Variants in ANGPT1 observed in about 807,000 individuals in gnomAD.
The protein encoded by ANGPT1 is angiopoietin-1.
Under a neutral mutation model 62.2 loss-of-function variants are expected in ANGPT1, and 17 were observed. The observed-to-expected ratio is 0.27, with a 90% CI of 0.19 to 0.41. ANGPT1 has a LOEUF of 0.41. Among genes scored for constraint, ANGPT1 ranks in the 10% least tolerant of loss-of-function variants. The pLI, the probability that ANGPT1 is intolerant of heterozygous loss-of-function variation, is 1.00. For missense variants in ANGPT1, 478 were observed against 594.9 expected, an observed-to-expected ratio of 0.80 and a Z score of 2.04; for synonymous variants, 199 against 198.9, an observed-to-expected ratio of 1.00 and a Z score of 0.00.
intron 1 of ANGPT1, among the ~76,000 whole-genome samples, chr8:107,493,468 A>G (rs1813017216): frequency 6.6e-6 from 1 of 150,588 alleles, no homozygotes. Context: ...ATTACTGGTT[A>G]AATATAATTT....
intron 4 of ANGPT1, among the ~76,000 whole-genome samples, chr8:107,313,429 GTTTTTTTTTTTTT>G (rs71308720): frequency 3.1e-5 from 2 of 64,182 alleles, no homozygotes; most frequent in South Asian, 1.5e-3. Flanking sequence ...GTTACTAGTT[GTTTTTTTTTTTTT>G]TTTTTTTTTT....
intron 4 of ANGPT1, among the ~76,000 whole-genome samples, chr8:107,306,957 T>C (rs1814733470): frequency 6.6e-6 from 1 of 151,970 alleles, no homozygotes; most frequent in Admixed American, 6.6e-5. Flanking sequence ...CGAACAGATG[T>C]CAGGGGGAAC....
chr8:107,446,063 A>T (rs182108518), intron 1 of ANGPT1, among the ~76,000 whole-genome samples: 204 of 152,204 alleles, frequency 1.3e-3, no homozygotes, highest in African/African-American at 4.5e-3. Flanking sequence ...GACAACAGGC[A>T]CGTGCCACCA....
chr8:107,399,222 A>G (rs1816995377), intron 1 of ANGPT1, among the ~76,000 whole-genome samples: 1 of 152,032 alleles, frequency 6.6e-6, no homozygotes, highest in Non-Finnish European at 1.5e-5. Flanking sequence ...ATGTTTTCTG[A>G]CCTTCTTTCT....
At chr8:107,256,499 A>C (rs2129997432) in intron 8 of ANGPT1, among the ~76,000 whole-genome samples, 1 of 152,302 alleles carries the variant, frequency 6.6e-6, no homozygotes, top group South Asian at 2.1e-4. Context: ...CATTCCTTGT[A>C]TTTACAGGTG....
chr8:107,333,480 T>C (rs1033757753), intron 3 of ANGPT1, among the ~76,000 whole-genome samples: 1 of 152,142 alleles, frequency 6.6e-6, no homozygotes, highest in African/African-American at 2.4e-5. Flanking sequence ...TGTAGTGAAA[T>C]ACCTATATTA....
chr8:107,284,945 A>T, intron 6 of ANGPT1, 97 bp from the exon 7 acceptor site: 1 of 1,024,668 alleles, frequency 9.8e-7, no homozygotes, highest in Non-Finnish European at 1.3e-6. Flanking sequence ...AAAAATTATT[A>T]AAAAGTAAAG....
chr8:107,268,311 T>C (rs928678219), intron 7 of ANGPT1, among the ~76,000 whole-genome samples: 1 of 152,022 alleles, frequency 6.6e-6, no homozygotes, highest in African/African-American at 2.4e-5. Context: ...AAGTATAGCT[T>C]TTACATCTCA....
At chr8:107,331,979 C>T (rs1010709225) in intron 3 of ANGPT1, among the ~76,000 whole-genome samples, 10 of 152,108 alleles carry the variant, frequency 6.6e-5, no homozygotes, top group Non-Finnish European at 1.2e-4. Context: ...TTCCGCCTTG[C>T]AAAAAGTTGG....
rs1815527375 is a variant in ANGPT1, at chr8:107,335,033, T to C, written c.575+1117A>G. ...TTTTCATGCAGAAGTTTAATTGTAA[T>C]TGTTGCATTATGCTCTACTTTTAGC... is the stretch of plus-strand genomic sequence containing the variant. On this transcript the variant is annotated intron_variant, in intron 3 of 8. Coordinates refer to ENST00000517746, the MANE Select transcript of ANGPT1 (RefSeq NM_001146.5). 2.0e-5 allele frequency among the ~76,000 whole-genome samples: 3 copies of C among 152,324 alleles called. No individual in the cohort carries two copies. In the South Asian group the frequency reaches 6.2e-4, roughly 32 times the overall value.
At chr8:107,363,661 A>T (rs890822757) in intron 1 of ANGPT1, among the ~76,000 whole-genome samples, 1 of 152,334 alleles carries the variant, frequency 6.6e-6, no homozygotes, top group African/African-American at 2.4e-5. Flanking sequence ...AATCATAAAT[A>T]TACCTAAATT....
intron 1 of ANGPT1, among the ~76,000 whole-genome samples, chr8:107,391,528 G>T (rs185355023): frequency 6.6e-6 from 1 of 152,022 alleles, no homozygotes; most frequent in African/African-American, 2.4e-5. Flanking sequence ...TTAGCCAGGC[G>T]TGGTGGCAGG....
At position 107,322,117 on chromosome 8, in the gene ANGPT1, T is replaced by C. The variant is rs767734370; in HGVS notation, c.587A>G (p.His196Arg). 7.4e-6 allele frequency: 12 copies of C among 1,611,344 alleles called. 1 individual carries two copies. The South Asian group carries it at 1.3e-4, about 18-fold the overall frequency. ...TTTTCCTTCCATTTCTAAGATTTTA[T>C]GTTCTAATAAACTACAAGGAAGTGA... ...KIHEKNSLLE[H>R]KILEMEGKHK... is the part of the protein sequence containing the mutation. Residue 196 changes from histidine (H) to arginine (R), a missense_variant, in exon 4 of 9, where the codon CAT becomes CGT. By Grantham distance (29) the His-to-Arg change is conservative. Coordinates refer to ENST00000517746, the MANE Select transcript of ANGPT1 (RefSeq NM_001146.5).
intron 1 of ANGPT1, among the ~76,000 whole-genome samples, chr8:107,492,338 C>T (rs1464217384): frequency 6.6e-6 from 1 of 152,074 alleles, no homozygotes; most frequent in Non-Finnish European, 1.5e-5. Flanking sequence ...TACTAAATAT[C>T]TACTTTATTT....
chr8:107,338,268 C>T (rs1325928409), intron 2 of ANGPT1, among the ~76,000 whole-genome samples: 2 of 152,132 alleles, frequency 1.3e-5, no homozygotes, highest in Non-Finnish European at 2.9e-5. Flanking sequence ...CCAGAAATCT[C>T]AGTAATCAAG....
intron 5 of ANGPT1, among the ~76,000 whole-genome samples, chr8:107,300,952 A>T (rs1295519465): frequency 6.6e-6 from 1 of 151,872 alleles, no homozygotes; most frequent in Non-Finnish European, 1.5e-5. Context: ...CCTATTCAGG[A>T]TTATGAATTG....
intron 1 of ANGPT1, among the ~76,000 whole-genome samples, chr8:107,493,654 T>C (rs1452767916): frequency 6.6e-6 from 1 of 150,428 alleles, no homozygotes; most frequent in African/African-American, 2.4e-5. Context: ...ATGCAATAGA[T>C]AATGCATTCA....
At chr8:107,356,656 G>A (rs1280232158) in intron 1 of ANGPT1, among the ~76,000 whole-genome samples, 2 of 152,312 alleles carry the variant, frequency 1.3e-5, no homozygotes, top group East Asian at 3.9e-4. Flanking sequence ...AGGGCTAGGG[G>A]ATAAGAAAGG....
chr8:107,452,233 C>G (rs530817835), intron 1 of ANGPT1, among the ~76,000 whole-genome samples: 56 of 151,456 alleles, frequency 3.7e-4, no homozygotes, highest in South Asian at 2.5e-3. Context: ...TTTTTTCCCT[C>G]TAAATAATAA....
Sources: gnomAD v4.1 joint callset for allele counts (sites outside exome capture counted in the v4.1 genomes callset) on GRCh38, gnomAD v4.1.1 for gene constraint, MANE v1.5 for transcripts, NCBI Gene and HGNC (gene_info 2026-07-23, HGNC 2026-07-21) for gene names.